The following ALMS1 variants were observed in gnomAD, a reference collection of about 807,000 sequenced individuals.
ALMS1 encodes centrosome-associated protein ALMS1.
In ALMS1, 271 loss-of-function variants were observed where a neutral mutation model predicts 352.2. That is an observed-to-expected ratio of 0.77 (90% CI 0.70 to 0.85). The LOEUF (loss-of-function observed/expected upper bound fraction) is 0.85, where lower values mean the gene tolerates loss of function less well. Ranked by LOEUF, ALMS1 falls within the 40% of genes least tolerant of loss-of-function variation. ALMS1 has a pLI of 0.00. For missense variants in ALMS1, 5,445 were observed against 4,870.7 expected (o/e 1.12, Z -3.51); for synonymous variants, 1,865 against 1,761.2 (o/e 1.06, Z -1.48).
intron 5 of ALMS1, among the ~76,000 whole-genome samples, chr2:73,425,527 A>G (rs1285498348): frequency 6.6e-6 from 1 of 152,210 alleles, no homozygotes; most frequent in Admixed American, 6.5e-5. Flanking sequence ...GAAAGAAACC[A>G]AAAGGGAACT....
intron 9 of ALMS1, among the ~76,000 whole-genome samples, chr2:73,487,224 T>G (rs1672869544): frequency 6.6e-6 from 1 of 152,140 alleles, no homozygotes; most frequent in Non-Finnish European, 1.5e-5. Flanking sequence ...CTATGCTATG[T>G]CTTACACCTG....
chr2:73,538,576 C>T (rs553082109), intron 12 of ALMS1, among the ~76,000 whole-genome samples: 1 of 152,246 alleles, frequency 6.6e-6, no homozygotes, highest in African/African-American at 2.4e-5. Context: ...TGAGCCGAAG[C>T]AGGGCAAGGC....
At chr2:73,522,759 G>A (rs184909963) in intron 11 of ALMS1, among the ~76,000 whole-genome samples, 252 of 152,252 alleles carry the variant, frequency 1.7e-3, no homozygotes, top group African/African-American at 5.7e-3. Context: ...GAGCCACTGC[G>A]CCTGGCCAAG....
chr2:73,482,786 T>C (rs1206588533), intron 9 of ALMS1, among the ~76,000 whole-genome samples: 1 of 151,666 alleles, frequency 6.6e-6, no homozygotes, highest in African/African-American at 2.4e-5. Flanking sequence ...GAGATTCAAC[T>C]TCTTCCTGGT....
intron 9 of ALMS1, among the ~76,000 whole-genome samples, chr2:73,464,851 T>C (rs1006598817): frequency 2.0e-5 from 3 of 151,984 alleles, no homozygotes; most frequent in African/African-American, 7.3e-5. Flanking sequence ...TCACAGTTGC[T>C]TCAAAGAGAG....
intron 9 of ALMS1, among the ~76,000 whole-genome samples, chr2:73,479,102 A>G (rs1407592931): frequency 6.6e-6 from 1 of 152,104 alleles, no homozygotes; most frequent in Non-Finnish European, 1.5e-5. Flanking sequence ...ATGGGCAAAA[A>G]GTGGCATTTT....
intron 10 of ALMS1, among the ~76,000 whole-genome samples, chr2:73,513,409 C>A (rs979596305): frequency 6.6e-6 from 1 of 152,158 alleles, no homozygotes; most frequent in Non-Finnish European, 1.5e-5. Flanking sequence ...ACATTGGTCT[C>A]CCTCTACTTG....
intron 9 of ALMS1, among the ~76,000 whole-genome samples, chr2:73,484,832 C>T (rs947586607): frequency 6.6e-5 from 10 of 152,216 alleles, no homozygotes; most frequent in Non-Finnish European, 1.0e-4. Flanking sequence ...ATTTCTTCTT[C>T]CATCGCTGAT....
Position 73,452,250 on chromosome 2 carries a change from A to C in ALMS1, c.5723A>C (p.Gln1908Pro), listed in dbSNP as rs769519879. The change falls in exon 8 of 23, where the codon CAG (glutamine) becomes CCG (proline). Residue 1908 changes from glutamine to proline, a missense_variant. Gln to Pro is a moderately conservative substitution (Grantham distance 76). Transcript: ENST00000613296. ...NREKASIFHQ[Q>P]ELPDVTEEAL... ...GAGAAGGCCAGTATTTTTCATCAGC[A>C]GGAGTTGCCAGATGTTACTGAAGAA... 6.2e-7 allele frequency: 1 copy of C among 1,614,104 alleles called. No individual in the cohort carries two copies.
rs1572939837 is a variant in ALMS1, at chr2:73,455,210, C to G, written c.7589C>G (p.Ser2530Ter). The change falls in exon 9 of 23, where the codon TCA (serine) becomes TGA (stop). Residue 2530 changes from serine (S) to a stop codon, truncating the protein, a stop_gained. Transcript: ENST00000613296. LOFTEE classifies it high-confidence loss of function. ...GCACATGATTGTGGATACTCCATTT[C>G]AGAATTAAATGAAGATGACAGGAGG... ...NLAHDCGYSISELNEDDRRKV... is the reference protein window; with the variant it reads ...NLAHDCGYSI 1 of 1,613,238 alleles carries G rather than the reference C, an allele frequency of 6.2e-7. No individual in the cohort carries two copies. Among genetic ancestry groups the G allele is most frequent in the Non-Finnish European group, 8.5e-7 (1 of 1,179,610 alleles).
At chr2:73,487,673 C>G (rs1212069429) in intron 9 of ALMS1, among the ~76,000 whole-genome samples, 1 of 152,132 alleles carries the variant, frequency 6.6e-6, no homozygotes, top group Non-Finnish European at 1.5e-5. Context: ...GAGCTCTTGT[C>G]CTGCATCCAT....
chr2:73,505,080 T>A (rs1339833939), intron 10 of ALMS1, among the ~76,000 whole-genome samples: 1 of 152,210 alleles, frequency 6.6e-6, no homozygotes, highest in Non-Finnish European at 1.5e-5. Flanking sequence ...TGCATAGTAT[T>A]CCATGGTATA....
At chr2:73,607,806 C>A (rs558601441) in intron 21 of ALMS1, among the ~76,000 whole-genome samples, 1 of 150,788 alleles carries the variant, frequency 6.6e-6, no homozygotes. Flanking sequence ...ACCATGCCCA[C>A]CTAATTTTTT....
intron 3 of ALMS1, among the ~76,000 whole-genome samples, chr2:73,420,767 AATT>A (rs1176112387): frequency 2.6e-5 from 4 of 152,168 alleles, no homozygotes; most frequent in Admixed American, 2.0e-4. Flanking sequence ...GAACATTTTA[AATT>A]ATTGGAGTAG....
chr2:73,464,994 C>G (rs1208918484), intron 9 of ALMS1, among the ~76,000 whole-genome samples: 6 of 149,536 alleles, frequency 4.0e-5, no homozygotes, highest in African/African-American at 1.0e-4. Flanking sequence ...TAGGAAGAAT[C>G]AATATCGTGA....
At chr2:73,398,868 G>C (rs760696899) in intron 1 of ALMS1, among the ~76,000 whole-genome samples, 4 of 151,892 alleles carry the variant, frequency 2.6e-5, no homozygotes, top group Non-Finnish European at 5.9e-5. Context: ...TTTTGAGATG[G>C]AGTCTGGCAC....
intron 13 of ALMS1, 76 bp from the exon 14 acceptor site, chr2:73,557,144 A>G (rs1674563194): frequency 3.1e-6 from 5 of 1,597,262 alleles, no homozygotes; most frequent in Middle Eastern, 1.7e-4. Context: ...TTTGTTTGTA[A>G]TTGTGGGGGA....
chr2:73,533,159 G>A (rs1429181283), intron 11 of ALMS1, among the ~76,000 whole-genome samples: 1 of 152,222 alleles, frequency 6.6e-6, no homozygotes, highest in Non-Finnish European at 1.5e-5. Context: ...ACCCTCTCCT[G>A]GAGCAAGCTG....
At chr2:73,390,890 C>T (rs1670629797) in intron 1 of ALMS1, among the ~76,000 whole-genome samples, 1 of 152,102 alleles carries the variant, frequency 6.6e-6, no homozygotes, top group African/African-American at 2.4e-5. Context: ...CCTGCCTCAG[C>T]CTCCGCAGTA....
Sources: gnomAD v4.1 joint callset for allele counts (sites outside exome capture counted in the v4.1 genomes callset) on GRCh38, gnomAD v4.1.1 for gene constraint, MANE v1.5 for transcripts, NCBI Gene and HGNC (gene_info 2026-07-23, HGNC 2026-07-21) for gene names.